CCDC170: variants seen among roughly 807,000 people sequenced by gnomAD.
CCDC170 encodes coiled-coil domain-containing protein 170.
CCDC170 carries 69 observed loss-of-function variants against 72.6 expected under a neutral mutation model. The observed-to-expected ratio is 0.95, with a 90% CI of 0.78 to 1.16. The LOEUF is 1.16. Ranked by LOEUF, CCDC170 falls within the 50% of genes most tolerant of loss-of-function variation. The pLI, the probability that CCDC170 is intolerant of heterozygous loss-of-function variation, is 0.00. For synonymous variants in CCDC170, 300 were observed against 303.9 expected (o/e 0.99, Z 0.13); for missense variants, 852 against 832.5 (o/e 1.02, Z -0.29).
At chr6:151,521,152 C>A (rs1782308939) in intron 1 of CCDC170, among the ~76,000 whole-genome samples, 1 of 152,164 alleles carries the variant, frequency 6.6e-6, no homozygotes, top group African/African-American at 2.4e-5. Context: ...CTGATTCCTT[C>A]TTACCCTCCC....
chr6:151,593,816 T>C (rs9397064), intron 8 of CCDC170, among the ~76,000 whole-genome samples: 33,772 of 152,152 alleles, frequency 0.22, 4,831 homozygotes, highest in East Asian at 0.45. Flanking sequence ...ACATGAACTT[T>C]TGTTTATATC....
intron 1 of CCDC170, among the ~76,000 whole-genome samples, chr6:151,527,166 G>A (rs1562271792): frequency 6.6e-6 from 1 of 150,862 alleles, no homozygotes; most frequent in Non-Finnish European, 1.5e-5. Context: ...CAAAGTGCTG[G>A]GATTACAGGT....
intron 1 of CCDC170, among the ~76,000 whole-genome samples, chr6:151,505,835 G>A (rs1562265321): frequency 1.3e-5 from 2 of 152,218 alleles, no homozygotes; most frequent in African/African-American, 4.8e-5. Flanking sequence ...GGTGGCTCAT[G>A]CTTATAATCC....
At chr6:151,549,832 T>A (rs1274197241) in intron 5 of CCDC170, among the ~76,000 whole-genome samples, 1 of 152,238 alleles carries the variant, frequency 6.6e-6, no homozygotes, top group African/African-American at 2.4e-5. Flanking sequence ...ACACTATATG[T>A]TTCTCTTTTT....
At chr6:151,518,576 G>A (rs1028802500) in intron 1 of CCDC170, among the ~76,000 whole-genome samples, 2 of 130,936 alleles carry the variant, frequency 1.5e-5, no homozygotes, top group South Asian at 2.5e-4. Flanking sequence ...GAGCAGCCTC[G>A]AGGGCTGCTG....
chr6:151,608,725 T>C (rs377570504), intron 9 of CCDC170, among the ~76,000 whole-genome samples: 44 of 152,150 alleles, frequency 2.9e-4, no homozygotes, highest in Non-Finnish European at 5.7e-4. Flanking sequence ...GTCCCACCAC[T>C]GGAAGTGGGG....
At chr6:151,617,897 G>A in intron 10 of CCDC170, 50 bp from the exon 11 acceptor site, 1 of 1,573,362 alleles carries the variant, frequency 6.4e-7, no homozygotes, top group Non-Finnish European at 8.7e-7. Context: ...CTCAGCAGTA[G>A]TTGATACATT....
intron 4 of CCDC170, among the ~76,000 whole-genome samples, chr6:151,548,065 G>A (rs1177670645): frequency 2.6e-5 from 4 of 152,090 alleles, no homozygotes; most frequent in African/African-American, 4.8e-5. Flanking sequence ...GTGTTCCGTC[G>A]GGACACTTTT....
intron 1 of CCDC170, among the ~76,000 whole-genome samples, chr6:151,515,513 C>A (rs994471973): frequency 3.3e-5 from 5 of 152,146 alleles, no homozygotes; most frequent in Non-Finnish European, 5.9e-5. Flanking sequence ...GAACTCCTGA[C>A]CTCAGGTGAT....
At chr6:151,532,951 T>G (rs1291308132) in intron 1 of CCDC170, among the ~76,000 whole-genome samples, 4 of 152,234 alleles carry the variant, frequency 2.6e-5, no homozygotes, top group Non-Finnish European at 4.4e-5. Context: ...CTCAGATCCT[T>G]GCCTGCACGG....
intron 5 of CCDC170, among the ~76,000 whole-genome samples, chr6:151,567,756 C>T (rs377340989): frequency 1.5e-4 from 23 of 152,234 alleles, no homozygotes; most frequent in East Asian, 1.2e-3. Context: ...GCAACTCTCA[C>T]CACTAGCCAC....
chr6:151,548,151 A>C (rs992527512), intron 4 of CCDC170, among the ~76,000 whole-genome samples, 153 bp from the exon 5 acceptor site: 4 of 152,248 alleles, frequency 2.6e-5, no homozygotes, highest in African/African-American at 9.6e-5. Flanking sequence ...CAGAGTTTAC[A>C]GGCTGCCTTT....
At chr6:151,555,256 A>T (rs1782956743) in intron 5 of CCDC170, among the ~76,000 whole-genome samples, 1 of 152,158 alleles carries the variant, frequency 6.6e-6, no homozygotes. Context: ...TAAATGGTAA[A>T]ATATACATAA....
chr6:151,609,977 C>T (rs1230770084), intron 9 of CCDC170, among the ~76,000 whole-genome samples: 4 of 152,318 alleles, frequency 2.6e-5, no homozygotes, highest in South Asian at 4.1e-4. Flanking sequence ...GTAGATAGCC[C>T]ACTGTAAATG....
At chr6:151,536,700 G>A (rs961522714) in intron 2 of CCDC170, among the ~76,000 whole-genome samples, 3 of 141,424 alleles carry the variant, frequency 2.1e-5, no homozygotes, top group Non-Finnish European at 1.5e-5. Flanking sequence ...ACTTGAATCC[G>A]GGAGGTGGAG....
chr6:151,587,166 T>C (rs997962914), intron 7 of CCDC170, among the ~76,000 whole-genome samples: 1 of 152,044 alleles, frequency 6.6e-6, no homozygotes, highest in Non-Finnish European at 1.5e-5. Flanking sequence ...ACAATGGCAC[T>C]GATAACCCAG....
In CCDC170 at chr6:151,573,506, GCTGTTTACAGACATC is replaced by G; in HGVS notation, c.1092+16_1092+30del. 5.6e-6 allele frequency: 9 copies of G among 1,606,294 alleles called. No homozygotes were observed. The highest frequency in any genetic ancestry group is 7.7e-6 in the Non-Finnish European group (9 of 1,175,418). On this transcript the variant is annotated intron_variant, in intron 6 of 10. Transcript: ENST00000239374. The stretch of plus-strand genomic sequence containing the variant: ...GCAGGGACCGGGTGAGTGGGTCATG[GCTGTTTACAGACATC>G]TTAAGAACAGTGAGCTCATTCATTT...
chr6:151,554,020 C>G (rs1782931530), intron 5 of CCDC170, among the ~76,000 whole-genome samples: 1 of 152,136 alleles, frequency 6.6e-6, no homozygotes, highest in African/African-American at 2.4e-5. Context: ...CTTGAAGACT[C>G]TACTTCAGTT....
chr6:151,536,556 C>T (rs1362006418), intron 2 of CCDC170, 110 bp downstream of exon 2: 1 of 1,259,398 alleles, frequency 7.9e-7, no homozygotes, highest in Non-Finnish European at 1.1e-6. Context: ...GCAGGCAGAT[C>T]ACGAGGTCAA....
Sources: gnomAD v4.1 joint callset for allele counts (sites outside exome capture counted in the v4.1 genomes callset) on GRCh38, gnomAD v4.1.1 for gene constraint, MANE v1.5 for transcripts, NCBI Gene and HGNC (gene_info 2026-07-23, HGNC 2026-07-21) for gene names.